Variants in SLC30A6 observed in about 807,000 individuals in gnomAD.
SLC30A6 encodes the protein solute carrier family 30 member 6.
Under a neutral mutation model 63.0 loss-of-function variants are expected in SLC30A6, and 55 were observed. That is an observed-to-expected ratio of 0.87 (90% confidence interval 0.70 to 1.09). SLC30A6 has a LOEUF of 1.09. Among genes scored for constraint, SLC30A6 ranks in the 50% least tolerant of loss-of-function variants. SLC30A6 has a pLI of 0.00. For missense variants in SLC30A6, 587 were observed against 549.2 expected, an observed-to-expected ratio of 1.07 and a Z score of -0.69; for synonymous variants, 224 against 186.1, an observed-to-expected ratio of 1.20 and a Z score of -1.66.
chr2:32,195,099 CTT>C (rs11453810), intron 8 of SLC30A6, among the ~76,000 whole-genome samples: 3 of 125,726 alleles, frequency 2.4e-5, no homozygotes, highest in Non-Finnish European at 4.8e-5. Flanking sequence ...TTATGCCTGG[CTT>C]TTTTTTTTTT....
Position 32,183,407 on chromosome 2 carries a change from G to A in SLC30A6, c.219-866G>A, listed in dbSNP as rs148165325. ...TATAAGGATGGCTTTTCGGCCAGGC[G>A]CGGTGGCTCACGCCTGTAATCCCAG... On this transcript the variant is annotated intron_variant, in intron 4 of 13. Coordinates refer to ENST00000282587, the MANE Select transcript of SLC30A6 (RefSeq NM_017964.5). Among the ~76,000 whole-genome samples the A allele has an allele frequency of 5.1e-3, 780 of 151,818 alleles. 6 individuals are homozygous for A. Among genetic ancestry groups the A allele is most frequent in the African/African-American group, 0.017 (710 of 41,410 alleles).
At chr2:32,203,777 A>G in intron 10 of SLC30A6, 1 of 1,493,572 alleles carries the variant, frequency 6.7e-7, no homozygotes, top group Non-Finnish European at 9.3e-7. Context: ...GTGCCAGCCA[A>G]ATTACCTGAA....
chr2:32,197,916 T>A, intron 10 of SLC30A6, 90 bp downstream of exon 10: 1 of 1,501,362 alleles, frequency 6.7e-7, no homozygotes, highest in Non-Finnish European at 9.0e-7. Context: ...GTCAAGCTTC[T>A]AGCAGTTTCG....
chr2:32,191,788 G>A (rs745444305), intron 5 of SLC30A6, among the ~76,000 whole-genome samples: 1 of 152,080 alleles, frequency 6.6e-6, no homozygotes, highest in Non-Finnish European at 1.5e-5. Flanking sequence ...TACTCGGGAG[G>A]CTGAGCAGCT....
intron 10 of SLC30A6, chr2:32,201,767 A>G: frequency 7.4e-7 from 1 of 1,356,060 alleles, no homozygotes; most frequent in Middle Eastern, 2.0e-4. Flanking sequence ...GATTTAAACA[A>G]GATAAGCTGA....
intron 13 of SLC30A6, among the ~76,000 whole-genome samples, chr2:32,216,987 C>T (rs889757736): frequency 2.6e-5 from 4 of 151,758 alleles, no homozygotes; most frequent in African/African-American, 9.7e-5. Context: ...CTCCTGGGTT[C>T]AAGTGATTTT....
intron 4 of SLC30A6, among the ~76,000 whole-genome samples, chr2:32,179,007 G>A (rs1486024785): frequency 6.6e-6 from 1 of 152,154 alleles, no homozygotes; most frequent in Non-Finnish European, 1.5e-5. Flanking sequence ...CCACAGGCTT[G>A]TGCCACCACA....
chr2:32,220,603 C>T lies in SLC30A6; in HGVS notation c.1276C>T (p.Gln426Ter). 6.2e-7 allele frequency: 1 copy of T among 1,614,042 alleles called. No homozygotes were observed. The highest frequency in any genetic ancestry group is 2.2e-5 in the East Asian group (1 of 44,892). Residue 426 changes from glutamine (Q) to a stop codon, truncating the protein, a stop_gained, in exon 14 of 14, where the codon CAA becomes TAA. Transcript: ENST00000282587. LOFTEE classifies it high-confidence loss of function. The part of the protein sequence containing the change: ...GHTPYSSMLN[Q>*]GLGVPGIGAT... Reference sequence around the variant, plus strand: ...CACACCTTACAGCAGCATGCTTAATCAAGGACTTGGAGTTCCAGGAATTGG... The same window carrying T: ...CACACCTTACAGCAGCATGCTTAATTAAGGACTTGGAGTTCCAGGAATTGG...
chr2:32,200,023 G>A (rs1375977209), intron 10 of SLC30A6, among the ~76,000 whole-genome samples: 2 of 152,038 alleles, frequency 1.3e-5, no homozygotes, highest in East Asian at 3.9e-4. Flanking sequence ...GCTGAAGCAG[G>A]AGAATCGCTT....
At chr2:32,206,603 C>T (rs186691257) in intron 11 of SLC30A6, among the ~76,000 whole-genome samples, 3 of 152,196 alleles carry the variant, frequency 2.0e-5, no homozygotes, top group African/African-American at 7.2e-5. Context: ...ATACAAAATA[C>T]GACCTTTGTA....
chr2:32,218,300 G>A (rs1685879161), intron 13 of SLC30A6, among the ~76,000 whole-genome samples: 1 of 152,000 alleles, frequency 6.6e-6, no homozygotes, highest in Non-Finnish European at 1.5e-5. Context: ...CATAATTTAT[G>A]GTAAACACTT....
intron 1 of SLC30A6, among the ~76,000 whole-genome samples, chr2:32,167,203 G>T (rs958469743): frequency 1.3e-5 from 2 of 152,008 alleles, no homozygotes; most frequent in Non-Finnish European, 2.9e-5. Flanking sequence ...ACCTTCCCGA[G>T]CAGCTGGGAT....
chr2:32,213,842 C>T (rs1358186235), intron 13 of SLC30A6, among the ~76,000 whole-genome samples: 1 of 119,242 alleles, frequency 8.4e-6, no homozygotes, highest in Non-Finnish European at 1.6e-5. Context: ...CTCACACTGT[C>T]ACCTGGGCTG....
intron 13 of SLC30A6, among the ~76,000 whole-genome samples, chr2:32,219,088 C>T (rs137992562): frequency 1.8e-4 from 27 of 152,252 alleles, no homozygotes; most frequent in Admixed American, 1.6e-3. Context: ...GCTGGGAGTG[C>T]GATGGCGTGA....
At chr2:32,181,271 T>G (rs1682283460) in intron 4 of SLC30A6, among the ~76,000 whole-genome samples, 1 of 152,212 alleles carries the variant, frequency 6.6e-6, no homozygotes, top group Non-Finnish European at 1.5e-5. Flanking sequence ...TCATCAAATA[T>G]TAGATGCCAA....
chr2:32,177,056 A>G (rs1681816269), intron 4 of SLC30A6, among the ~76,000 whole-genome samples: 1 of 151,818 alleles, frequency 6.6e-6, no homozygotes, highest in Non-Finnish European at 1.5e-5. Flanking sequence ...TACAGGTGTG[A>G]GCCACCACGC....
intron 10 of SLC30A6, chr2:32,202,677 G>C: frequency 3.1e-6 from 2 of 645,654 alleles, no homozygotes; most frequent in South Asian, 3.0e-5. Flanking sequence ...TGATGAAGTG[G>C]ATCAAATGTT....
At chr2:32,216,505 C>G (rs1488948841) in intron 13 of SLC30A6, among the ~76,000 whole-genome samples, 2 of 151,324 alleles carry the variant, frequency 1.3e-5, no homozygotes, top group African/African-American at 2.4e-5. Flanking sequence ...CACTGCACTC[C>G]AGCCTGGGCA....
At chr2:32,195,682 TTATTA>T (rs1022182007) in intron 8 of SLC30A6, among the ~76,000 whole-genome samples, 16 of 149,162 alleles carry the variant, frequency 1.1e-4, no homozygotes, top group East Asian at 7.8e-4. Context: ...GTTTATATTT[TTATTA>T]TATTATATTA....
Sources: gnomAD v4.1 joint callset for allele counts (sites outside exome capture counted in the v4.1 genomes callset) on GRCh38, gnomAD v4.1.1 for gene constraint, MANE v1.5 for transcripts, NCBI Gene and HGNC (gene_info 2026-07-23, HGNC 2026-07-21) for gene names.